Variants in ZNF407 observed in about 807,000 individuals in gnomAD.
The protein encoded by ZNF407 is zinc finger protein 407.
ZNF407 carries 17 observed loss-of-function variants against 131.2 expected under a neutral mutation model. The observed-to-expected ratio is 0.13, with a 90% CI of 0.09 to 0.19. The LOEUF (loss-of-function observed/expected upper bound fraction) is 0.19. ZNF407 is among the 10% of genes least tolerant of loss of function. The probability of loss-of-function intolerance (pLI) is 1.00; values close to 1 mark genes in which losing one functional copy is unlikely to be tolerated. For missense variants in ZNF407, 2,681 were observed against 2,830.6 expected (o/e 0.95, Z 1.20); for synonymous variants, 1,156 against 1,062.0 (o/e 1.09, Z -1.72).
chr18:74,795,203 T>C (rs1190579315), intron 4 of ZNF407, among the ~76,000 whole-genome samples: 1 of 152,216 alleles, frequency 6.6e-6, no homozygotes, highest in Non-Finnish European at 1.5e-5. Flanking sequence ...CCATTTATTA[T>C]GAAGAAATGT....
chr18:74,681,121 G>A (rs2144777316), intron 3 of ZNF407, among the ~76,000 whole-genome samples: 1 of 152,258 alleles, frequency 6.6e-6, no homozygotes, highest in East Asian at 1.9e-4. Flanking sequence ...AGAAAGAGGA[G>A]ATTTCATTTC....
intron 4 of ZNF407, among the ~76,000 whole-genome samples, chr18:74,810,239 G>A (rs1970174488): frequency 6.6e-6 from 1 of 152,220 alleles, no homozygotes; most frequent in South Asian, 2.1e-4. Flanking sequence ...AGAAGATGAA[G>A]TGGATGCTGC....
chr18:75,040,748 A>G (rs1426992253), intron 8 of ZNF407, among the ~76,000 whole-genome samples: 1 of 152,228 alleles, frequency 6.6e-6, no homozygotes, highest in East Asian at 1.9e-4. Flanking sequence ...GGATGCTGCT[A>G]CAGTTAATTA....
In ZNF407 at chr18:74,852,196, C is replaced by CGT. The variant is rs1970797067; in HGVS notation, c.4878-25001_4878-25000insGT. ...ACACACACACACACACACACACACA[C>CGT]ACGCACGCACGCACGCGCACGCGCG... On this transcript the variant is annotated intron_variant, in intron 4 of 8. Coordinates refer to ENST00000299687, the MANE Select transcript of ZNF407 (RefSeq NM_017757.3). Among the ~76,000 whole-genome samples the CGT allele has an allele frequency of 1.3e-4, 9 of 67,490 alleles. No individual in the cohort carries two copies. In the South Asian group the frequency reaches 4.1e-3, roughly 31 times the overall value. The allele number at this position is 67,490 out of a possible 152,430, so 44.3% of individuals were successfully genotyped here.
chr18:74,843,493 T>TA, intron 4 of ZNF407, among the ~76,000 whole-genome samples: 2 of 152,328 alleles, frequency 1.3e-5, no homozygotes, highest in South Asian at 4.1e-4. Context: ...TTCATTTGTT[T>TA]AAAAATGATG....
Position 74,837,896 on chromosome 18 carries a change from T to C in ZNF407, c.4878-39301T>C, listed in dbSNP as rs1426167502. Among the ~76,000 whole-genome samples, 4 of 152,196 alleles carry C rather than the reference T, an allele frequency of 2.6e-5. No individual in the cohort carries two copies. The East Asian group carries it at 7.7e-4, about 29-fold the overall frequency. On this transcript the variant is annotated intron_variant, in intron 4 of 8. Transcript: ENST00000299687. ...CTTGAACTCCTGAGCTCAAGCGACCTGCCCATCTTGGCCTTCCAAAGTGTT... is the reference window on the plus strand; with the variant it reads ...CTTGAACTCCTGAGCTCAAGCGACCCGCCCATCTTGGCCTTCCAAAGTGTT...
intron 1 of ZNF407, among the ~76,000 whole-genome samples, chr18:74,611,134 G>T (rs757898930): frequency 2.6e-5 from 4 of 152,138 alleles, no homozygotes; most frequent in Non-Finnish European, 5.9e-5. Flanking sequence ...AAAATCAACC[G>T]CAGGTCAATT....
At chr18:74,606,079 G>A (rs544761124) in intron 1 of ZNF407, among the ~76,000 whole-genome samples, 5 of 152,342 alleles carry the variant, frequency 3.3e-5, no homozygotes, top group East Asian at 1.9e-4. Context: ...GATCACTAGC[G>A]GCGGGCCTGG....
chr18:75,015,122 A>G (rs1420143224), intron 8 of ZNF407, among the ~76,000 whole-genome samples: 1 of 152,120 alleles, frequency 6.6e-6, no homozygotes, highest in Non-Finnish European at 1.5e-5. Context: ...ATAGTGTGAA[A>G]GGGATATAAT....
chr18:74,728,693 T>C (rs945960518), intron 3 of ZNF407, among the ~76,000 whole-genome samples: 1 of 152,116 alleles, frequency 6.6e-6, no homozygotes, highest in Non-Finnish European at 1.5e-5. Flanking sequence ...AAGGCCTGTG[T>C]GCTTCTGACT....
At chr18:74,770,536 A>C (rs1010083654) in intron 3 of ZNF407, among the ~76,000 whole-genome samples, 1 of 152,214 alleles carries the variant, frequency 6.6e-6, no homozygotes, top group Non-Finnish European at 1.5e-5. Context: ...TATTATTAAG[A>C]ACCTGGTTAA....
At chr18:74,734,638 A>G (rs1043031324) in intron 3 of ZNF407, among the ~76,000 whole-genome samples, 1 of 150,126 alleles carries the variant, frequency 6.7e-6, no homozygotes, top group African/African-American at 2.5e-5. Context: ...TTTTCTGCCT[A>G]TTTTTTAAAA....
At position 74,832,612 on chromosome 18, in the gene ZNF407, A is replaced by G. The variant is rs919960140; in HGVS notation, c.4878-44585A>G. Reference sequence around the variant, plus strand: ...CACACCCACTTTAAGTTGATTTCAAATATGATGATATCATTGAAGATGCAG... The same window carrying G: ...CACACCCACTTTAAGTTGATTTCAAGTATGATGATATCATTGAAGATGCAG... On this transcript the variant is annotated intron_variant, in intron 4 of 8. Coordinates refer to ENST00000299687, the MANE Select transcript of ZNF407 (RefSeq NM_017757.3). Among the ~76,000 whole-genome samples, 15 of 152,126 alleles carry G rather than the reference A, an allele frequency of 9.9e-5. 1 individual carries two copies. The highest frequency in any genetic ancestry group is 3.6e-4 in the African/African-American group (15 of 41,420).
At chr18:74,961,826 T>G (rs1972348838) in intron 8 of ZNF407, among the ~76,000 whole-genome samples, 1 of 152,096 alleles carries the variant, frequency 6.6e-6, no homozygotes, top group African/African-American at 2.4e-5. Context: ...AACATGTGAA[T>G]TACCCACCCA....
chr18:74,767,592 C>T (rs1391636977), intron 3 of ZNF407, among the ~76,000 whole-genome samples: 1 of 150,400 alleles, frequency 6.6e-6, no homozygotes, highest in African/African-American at 2.5e-5. Context: ...GCATATATAT[C>T]TCATGTTATT....
chr18:74,825,873 G>A lies in ZNF407; in HGVS notation c.4877+44371G>A, dbSNP rs924257562. ...TCAGAAAATGTTTAGGGTATGTGGC[G>A]TATTGTCACAGGAACCCAGTATGGA... is the stretch of plus-strand genomic sequence containing the variant. On this transcript the variant is annotated intron_variant, in intron 4 of 8. Transcript: ENST00000299687. Among the ~76,000 whole-genome samples the A allele has an allele frequency of 2.2e-4, 34 of 152,268 alleles. 1 individual carries two copies. Among genetic ancestry groups the A allele is most frequent in the African/African-American group, 7.9e-4 (33 of 41,540 alleles).
chr18:74,904,472 G>GT (rs1175935749), intron 7 of ZNF407, among the ~76,000 whole-genome samples: 8 of 152,226 alleles, frequency 5.3e-5, no homozygotes, highest in Non-Finnish European at 1.2e-4. Flanking sequence ...TTCCTGTGAT[G>GT]TGGGTGACAG....
At chr18:74,664,694 GTC>G (rs1452073350) in intron 3 of ZNF407, among the ~76,000 whole-genome samples, 1 of 152,010 alleles carries the variant, frequency 6.6e-6, no homozygotes, top group Non-Finnish European at 1.5e-5. Flanking sequence ...TCCTCCAGCT[GTC>G]TCTCTGTCTC....
chr18:74,852,225 G>T (rs750842016), intron 4 of ZNF407, among the ~76,000 whole-genome samples: 1 of 152,054 alleles, frequency 6.6e-6, no homozygotes, highest in Non-Finnish European at 1.5e-5. Context: ...ACGCGCGCGC[G>T]CATTGCTGGC....
Sources: allele counts gnomAD v4.1 joint callset (sites outside exome capture counted in the v4.1 genomes callset), GRCh38; gene constraint gnomAD v4.1.1; transcripts MANE v1.5; gene names NCBI Gene and HGNC (gene_info 2026-07-23, HGNC 2026-07-21).